The following ZBTB8OS variants were observed in gnomAD, a reference collection of about 807,000 sequenced individuals.
ZBTB8OS encodes the protein tRNA-splicing ligase-activating factor archease.
In ZBTB8OS, 16 loss-of-function variants were observed where a neutral mutation model predicts 29.3. That is an observed-to-expected ratio of 0.55 (90% CI 0.37 to 0.83). The LOEUF (loss-of-function observed/expected upper bound fraction) is 0.83, where lower values mean the gene tolerates loss of function less well. Among genes scored for constraint, ZBTB8OS ranks in the 40% least tolerant of loss-of-function variants. The pLI is 0.00. For synonymous variants in ZBTB8OS, 70 were observed against 64.6 expected (o/e 1.08, Z -0.40); for missense variants, 160 against 196.9 (o/e 0.81, Z 1.12).
chr1:32,626,560 ATTTTT>A (rs932259416), intron 6 of ZBTB8OS, among the ~76,000 whole-genome samples: 19 of 151,420 alleles, frequency 1.3e-4, no homozygotes, highest in African/African-American at 4.4e-4. Context: ...CTTTTATTTT[ATTTTT>A]TTGAGACCAG....
chr1:32,639,408 GC>G (rs1232368651), intron 1 of ZBTB8OS, among the ~76,000 whole-genome samples: 1 of 151,962 alleles, frequency 6.6e-6, no homozygotes, highest in Non-Finnish European at 1.5e-5. Flanking sequence ...GTATTCCTGG[GC>G]TCAAGTGCTT....
intron 5 of ZBTB8OS, among the ~76,000 whole-genome samples, chr1:32,628,809 G>A (rs553783197): frequency 5.5e-4 from 83 of 151,804 alleles, no homozygotes; most frequent in African/African-American, 1.7e-3. Flanking sequence ...GGTTCCATGC[G>A]CCCGTGGTCC....
chr1:32,624,823 G>A (rs1422547738), intron 6 of ZBTB8OS, among the ~76,000 whole-genome samples: 1 of 151,896 alleles, frequency 6.6e-6, no homozygotes, highest in East Asian at 1.9e-4. Flanking sequence ...GAACCTGGGA[G>A]GTGGAGGTTG....
rs750741181 is a variant in ZBTB8OS at position 32,621,639 on chromosome 1, T to TG, written c.*222dup. ...GAATCAAAGGACCATAACTGTCCCT[T>TG]GGGGGGTTGAAGAATTCTTTAAAGT... On this transcript the variant is annotated 3_prime_UTR_variant, in exon 7 of 7. Coordinates refer to ENST00000468695, the MANE Select transcript of ZBTB8OS (RefSeq NM_178547.5). 5.7e-5 allele frequency: 28 copies of TG among 495,518 alleles called. No individual in the cohort carries two copies. Among genetic ancestry groups the TG allele is most frequent in the Middle Eastern group, 5.5e-4 (1 of 1,802 alleles). The allele number at this position is 495,518 out of a possible 1,614,324, so 30.7% of individuals were successfully genotyped here. A position where few individuals can be genotyped will look rare whatever the true frequency, so the allele number is the denominator to read the frequency against.
At chr1:32,635,277 T>C (rs1645868681) in intron 1 of ZBTB8OS, among the ~76,000 whole-genome samples, 1 of 114,240 alleles carries the variant, frequency 8.8e-6, no homozygotes, top group African/African-American at 4.5e-5. Flanking sequence ...ATCATGACTC[T>C]TTTTTTTTTT....
chr1:32,627,434 G>T, intron 6 of ZBTB8OS, 74 bp downstream of exon 6: 2 of 1,351,048 alleles, frequency 1.5e-6, no homozygotes, highest in Non-Finnish European at 2.1e-6. Context: ...ACTAACTGAA[G>T]TTGATTGTCA....
At chr1:32,640,245 C>T (rs1164729996) in intron 1 of ZBTB8OS, among the ~76,000 whole-genome samples, 4 of 151,912 alleles carry the variant, frequency 2.6e-5, no homozygotes, top group Admixed American at 6.6e-5. Context: ...TACAGGCGCA[C>T]GCCACCACGC....
rs1169855939 is a variant in ZBTB8OS at position 32,621,575 on chromosome 1, C to T, written c.*287G>A. On this transcript the variant is annotated 3_prime_UTR_variant, in exon 7 of 7. Transcript: ENST00000468695. ...GGGTGAGGCTGGAGGGCTTGCATTG[C>T]ACTGGAAGGGCATGAGGCACACCTA... 9 of 347,108 alleles carry T rather than the reference C, an allele frequency of 2.6e-5. No homozygotes were observed. The highest frequency in any genetic ancestry group is 8.8e-5 in the African/African-American group (4 of 45,668). 21.5% of individuals were successfully genotyped at this position (347,108 alleles called of 1,614,324 possible). A position where few individuals can be genotyped will look rare whatever the true frequency, so the allele number is the denominator to read the frequency against.
chr1:32,650,460 A>C lies in ZBTB8OS; in HGVS notation c.70T>G (p.Tyr24Asp). The change falls in exon 1 of 7, where the codon TAT (tyrosine) becomes GAT (aspartate). Residue 24 changes from tyrosine (Y) to aspartate (D), a missense_variant. Physicochemically the swap from Tyr to Asp is radical, Grantham distance 160. Transcript: ENST00000468695. ...TEEQKAIKAK[Y>D]PPVNRKYEYL... ...TCGTACTTCCTATTGACTGGCGGAT[A>C]CTTGGCCTTGATCGCCTTCTGTTCT... The C allele has an allele frequency of 6.2e-7, 1 of 1,614,212 alleles. No individual in the cohort carries two copies. Among genetic ancestry groups the C allele is most frequent in the Non-Finnish European group, 8.5e-7 (1 of 1,180,034 alleles).
At chr1:32,649,879 AT>A (rs1647188926) in intron 1 of ZBTB8OS, among the ~76,000 whole-genome samples, 1 of 151,810 alleles carries the variant, frequency 6.6e-6, no homozygotes, top group African/African-American at 2.4e-5. Context: ...GGTCAGGCTG[AT>A]CTCGAACTTC....
At chr1:32,643,395 GGTTTT>G (rs1240852520) in intron 1 of ZBTB8OS, among the ~76,000 whole-genome samples, 1 of 426 alleles carries the variant, frequency 2.3e-3, no homozygotes, top group East Asian at 0.5. Context: ...TTTAGTTTTT[GGTTTT>G]TTTTTCTTTA....
At chr1:32,643,684 A>C (rs903796974) in intron 1 of ZBTB8OS, among the ~76,000 whole-genome samples, 19 of 151,448 alleles carry the variant, frequency 1.3e-4, no homozygotes, top group African/African-American at 4.4e-4. Context: ...TTTAGTAGAG[A>C]GGGGGTTTCA....
intron 6 of ZBTB8OS, among the ~76,000 whole-genome samples, chr1:32,626,400 T>C (rs1013806022): frequency 2.6e-5 from 4 of 152,140 alleles, no homozygotes; most frequent in African/African-American, 9.7e-5. Context: ...TAAAGATGCA[T>C]TTCTCAGAAT....
At chr1:32,647,436 C>A (rs1466832564) in intron 1 of ZBTB8OS, among the ~76,000 whole-genome samples, 1 of 121,856 alleles carries the variant, frequency 8.2e-6, no homozygotes. Flanking sequence ...GACTCTGTCT[C>A]AAAAAAAAAA....
intron 1 of ZBTB8OS, among the ~76,000 whole-genome samples, chr1:32,647,507 T>TAC: frequency 6.6e-6 from 1 of 151,888 alleles, no homozygotes; most frequent in Admixed American, 6.6e-5. Flanking sequence ...CCAGTACCAG[T>TAC]TGGTGGCCTG....
At chr1:32,637,679 G>T (rs1369505845) in intron 1 of ZBTB8OS, among the ~76,000 whole-genome samples, 2 of 152,184 alleles carry the variant, frequency 1.3e-5, no homozygotes, top group Non-Finnish European at 2.9e-5. Context: ...CAAGGAAGTG[G>T]AGGATTGACT....
intron 4 of ZBTB8OS, 51 bp downstream of exon 4, chr1:32,633,594 A>C: frequency 7.6e-7 from 1 of 1,315,250 alleles, no homozygotes; most frequent in Non-Finnish European, 1.1e-6. Context: ...CTATTTTAAA[A>C]TATGAACTAA....
chr1:32,642,396 C>A (rs896631555), intron 1 of ZBTB8OS, among the ~76,000 whole-genome samples: 1 of 151,384 alleles, frequency 6.6e-6, no homozygotes, highest in African/African-American at 2.4e-5. Flanking sequence ...CCCAGCTACT[C>A]GGGAGGGTGA....
intron 1 of ZBTB8OS, among the ~76,000 whole-genome samples, chr1:32,641,793 C>T (rs1225318028): frequency 6.7e-5 from 10 of 149,852 alleles, no homozygotes; most frequent in Admixed American, 2.0e-4. Context: ...TGGTGGCTGG[C>T]GCCTGTAGTC....
Sources: gnomAD v4.1 joint callset for allele counts (sites outside exome capture counted in the v4.1 genomes callset) on GRCh38, gnomAD v4.1.1 for gene constraint, MANE v1.5 for transcripts, NCBI Gene and HGNC (gene_info 2026-07-23, HGNC 2026-07-21) for gene names.